The following DNAJC1 variants were observed in gnomAD, a reference collection of about 807,000 sequenced individuals.
The protein encoded by DNAJC1 is DnaJ heat shock protein family (Hsp40) member C1.
Under a neutral mutation model 76.6 loss-of-function variants are expected in DNAJC1, and 58 were observed. The observed-to-expected ratio is 0.76, with a 90% CI of 0.61 to 0.94. The LOEUF (loss-of-function observed/expected upper bound fraction) is 0.94, where lower values mean the gene tolerates loss of function less well. DNAJC1 is among the 40% of genes least tolerant of loss of function. DNAJC1 has a pLI of 0.00. For missense variants in DNAJC1, 689 were observed against 677.3 expected, an observed-to-expected ratio of 1.02 and a Z score of -0.19; for synonymous variants, 258 against 267.9, an observed-to-expected ratio of 0.96 and a Z score of 0.36.
intron 8 of DNAJC1, among the ~76,000 whole-genome samples, chr10:21,809,657 T>C (rs948193437): frequency 6.6e-6 from 1 of 151,910 alleles, no homozygotes; most frequent in African/African-American, 2.4e-5. Context: ...TGAGATTGGA[T>C]GTCTAATAAT....
At chr10:21,811,446 C>T (rs944938589) in intron 8 of DNAJC1, among the ~76,000 whole-genome samples, 4 of 152,198 alleles carry the variant, frequency 2.6e-5, no homozygotes, top group Non-Finnish European at 5.9e-5. Context: ...ACAACTGACA[C>T]CCCTGCGTGT....
chr10:21,775,694 C>A (rs538322850), intron 9 of DNAJC1, among the ~76,000 whole-genome samples: 3 of 152,198 alleles, frequency 2.0e-5, no homozygotes, highest in African/African-American at 7.2e-5. Flanking sequence ...TCAAATAGTA[C>A]ATAATACATT....
At chr10:21,811,385 T>C (rs1277753488) in intron 8 of DNAJC1, among the ~76,000 whole-genome samples, 1 of 152,176 alleles carries the variant, frequency 6.6e-6, no homozygotes, top group African/African-American at 2.4e-5. Context: ...TGACTCACCT[T>C]GAATGGGGCC....
chr10:21,871,776 G>A (rs1008364576), intron 8 of DNAJC1, among the ~76,000 whole-genome samples: 3 of 151,518 alleles, frequency 2.0e-5, no homozygotes, highest in African/African-American at 4.9e-5. Flanking sequence ...GCCTCCTGAG[G>A]AGCTGTCCAC....
intron 8 of DNAJC1, among the ~76,000 whole-genome samples, chr10:21,837,920 C>T (rs1370417269): frequency 1.0e-4 from 4 of 39,090 alleles, no homozygotes; most frequent in African/African-American, 2.3e-4. Flanking sequence ...AGGGAGGTGG[C>T]GGGCAGCCCC....
intron 1 of DNAJC1, among the ~76,000 whole-genome samples, chr10:21,939,674 T>C (rs1213689088): frequency 1.3e-5 from 2 of 152,158 alleles, no homozygotes; most frequent in African/African-American, 4.8e-5. Flanking sequence ...CTATACCATC[T>C]AGGTTTGTGA....
At chr10:21,822,061 G>A (rs1372833076) in intron 8 of DNAJC1, among the ~76,000 whole-genome samples, 1 of 152,120 alleles carries the variant, frequency 6.6e-6, no homozygotes. Flanking sequence ...ATGTATACTG[G>A]AATCTAATTA....
chr10:21,964,731 T>C (rs934865010), intron 1 of DNAJC1, among the ~76,000 whole-genome samples: 1 of 151,664 alleles, frequency 6.6e-6, no homozygotes, highest in Non-Finnish European at 1.5e-5. Flanking sequence ...TTTAATTCTG[T>C]TTTTGTTGTT....
intron 9 of DNAJC1, among the ~76,000 whole-genome samples, chr10:21,784,785 C>G (rs1477401357): frequency 6.6e-6 from 1 of 151,674 alleles, no homozygotes; most frequent in Non-Finnish European, 1.5e-5. Flanking sequence ...TCATTCCGAG[C>G]AAACTATCGC....
intron 3 of DNAJC1, among the ~76,000 whole-genome samples, chr10:21,924,953 A>G (rs1330568345): frequency 6.6e-6 from 1 of 152,144 alleles, no homozygotes; most frequent in African/African-American, 2.4e-5. Flanking sequence ...TAAAAATACC[A>G]TATTATAATC....
At chr10:21,903,295 C>T (rs1836688845) in intron 7 of DNAJC1, among the ~76,000 whole-genome samples, 2 of 152,192 alleles carry the variant, frequency 1.3e-5, no homozygotes, top group Non-Finnish European at 2.9e-5. Context: ...AAATTGTAAT[C>T]TACCAATTTT....
chr10:21,767,688 A>C (rs776672456), intron 9 of DNAJC1, among the ~76,000 whole-genome samples: 3 of 152,190 alleles, frequency 2.0e-5, no homozygotes, highest in Non-Finnish European at 1.5e-5. Flanking sequence ...TATGTAACCA[A>C]CATCACAATC....
rs1590059589 is a variant in DNAJC1, at chr10:21,941,958, A to T, written c.223-12817T>A. ...CAGAAAAGCATATAAAAATTTCCAA[A>T]TTAATAGAAATTTTACTAAGCCAAC... is the stretch of plus-strand genomic sequence containing the variant. On this transcript the variant is annotated intron_variant, in intron 1 of 11. Coordinates refer to ENST00000376980, the MANE Select transcript of DNAJC1 (RefSeq NM_022365.4). 3.3e-5 allele frequency among the ~76,000 whole-genome samples: 5 copies of T among 152,278 alleles called. 1 individual carries two copies. The highest frequency in any genetic ancestry group is 1.3e-4 in the Admixed American group (2 of 15,300).
intron 9 of DNAJC1, among the ~76,000 whole-genome samples, chr10:21,792,042 C>CA (rs1026699228): frequency 6.9e-4 from 104 of 150,492 alleles, no homozygotes; most frequent in Non-Finnish European, 1.1e-3. Context: ...AATCTGTGGT[C>CA]AAAAAAAAAT....
chr10:21,806,506 CTCT>C (rs1213691561), intron 8 of DNAJC1, among the ~76,000 whole-genome samples: 4 of 151,272 alleles, frequency 2.6e-5, no homozygotes, highest in Non-Finnish European at 5.9e-5. Context: ...AAAGGGCTCT[CTCT>C]TTTTTTTTTT....
chr10:21,799,094 T>C (rs965446220), intron 9 of DNAJC1, among the ~76,000 whole-genome samples: 16 of 152,206 alleles, frequency 1.1e-4, no homozygotes, highest in Non-Finnish European at 1.8e-4. Context: ...AAATAATCTG[T>C]AAAACATATA....
intron 1 of DNAJC1, among the ~76,000 whole-genome samples, chr10:21,988,743 T>A (rs1445114053): frequency 6.6e-6 from 1 of 152,172 alleles, no homozygotes; most frequent in Non-Finnish European, 1.5e-5. Context: ...CCCCAGAAAG[T>A]CTTCTTCAGA....
intron 7 of DNAJC1, among the ~76,000 whole-genome samples, chr10:21,892,362 C>T (rs1836474980): frequency 6.6e-6 from 1 of 150,744 alleles, no homozygotes; most frequent in Non-Finnish European, 1.5e-5. Flanking sequence ...ATTTAACACA[C>T]ACACACACAC....
intron 8 of DNAJC1, among the ~76,000 whole-genome samples, chr10:21,813,220 CTATA>C (rs777283982): frequency 0.013 from 249 of 19,030 alleles, 12 homozygotes; most frequent in South Asian, 0.037. Flanking sequence ...CTCTCTCTCT[CTATA>C]TATATATATA....
Sources: gnomAD v4.1 joint callset for allele counts (sites outside exome capture counted in the v4.1 genomes callset) on GRCh38, gnomAD v4.1.1 for gene constraint, MANE v1.5 for transcripts, NCBI Gene and HGNC (gene_info 2026-07-23, HGNC 2026-07-21) for gene names.